Variants in DTNB observed in about 807,000 individuals in gnomAD.
DTNB encodes the protein dystrobrevin beta.
DTNB carries 63 observed loss-of-function variants against 90.7 expected under a neutral mutation model. That is an observed-to-expected ratio of 0.69 (90% confidence interval 0.57 to 0.86). The LOEUF (loss-of-function observed/expected upper bound fraction) is 0.86. DTNB is among the 40% of genes least tolerant of loss of function. The pLI is 0.00. For synonymous variants in DTNB, 277 were observed against 286.7 expected (o/e 0.97, Z 0.34); for missense variants, 744 against 807.1 (o/e 0.92, Z 0.95).
intron 7 of DTNB, among the ~76,000 whole-genome samples, chr2:25,577,681 T>C (rs2060906642): frequency 6.6e-6 from 1 of 152,050 alleles, no homozygotes; most frequent in South Asian, 2.1e-4. Context: ...ACAATTCAAC[T>C]CTGAACACAA....
intron 9 of DTNB, among the ~76,000 whole-genome samples, chr2:25,508,175 C>A (rs1413674864): frequency 6.6e-6 from 1 of 152,094 alleles, no homozygotes; most frequent in Non-Finnish European, 1.5e-5. Context: ...CACTAAAAAA[C>A]AAGCTTCATG....
chr2:25,437,248 G>C (rs1276057535), intron 12 of DTNB, among the ~76,000 whole-genome samples: 5 of 151,606 alleles, frequency 3.3e-5, no homozygotes, highest in Non-Finnish European at 7.4e-5. Context: ...CAGAAACTTA[G>C]AACTTTTATC....
chr2:25,608,101 G>C (rs1020140792), intron 4 of DTNB, among the ~76,000 whole-genome samples: 6 of 152,308 alleles, frequency 3.9e-5, no homozygotes, highest in East Asian at 1.9e-4. Context: ...TCACTAGTTG[G>C]TTGTTAAAGT....
intron 18 of DTNB, chr2:25,385,954 G>C (rs969204378): frequency 2.7e-5 from 25 of 929,040 alleles, no homozygotes; most frequent in Non-Finnish European, 2.8e-5. Context: ...GAAATTCCCT[G>C]AGAAATTTCC....
intron 8 of DTNB, among the ~76,000 whole-genome samples, chr2:25,573,980 G>A (rs559314485): frequency 6.6e-6 from 1 of 152,004 alleles, no homozygotes; most frequent in African/African-American, 2.4e-5. Flanking sequence ...TCCTAATGAC[G>A]TTCTTTCCAC....
At chr2:25,589,778 G>A (rs1035748289) in intron 6 of DTNB, among the ~76,000 whole-genome samples, 5 of 152,202 alleles carry the variant, frequency 3.3e-5, no homozygotes, top group Non-Finnish European at 5.9e-5. Context: ...CTGGGGTGAT[G>A]CTTTTCCTTT....
At chr2:25,449,650 TA>T (rs1558573378) in intron 12 of DTNB, among the ~76,000 whole-genome samples, 1 of 152,210 alleles carries the variant, frequency 6.6e-6, no homozygotes, top group African/African-American at 2.4e-5. Flanking sequence ...GCTCATTTTT[TA>T]AAAAAGGCTT....
chr2:25,621,043 T>A (rs1169239152), intron 4 of DTNB, among the ~76,000 whole-genome samples: 26 of 151,794 alleles, frequency 1.7e-4, no homozygotes, highest in Admixed American at 1.7e-3. Context: ...AAAAGAAAAT[T>A]TAAATGTGCT....
At chr2:25,459,492 TTTTA>T (rs2060594062) in intron 10 of DTNB, among the ~76,000 whole-genome samples, 1 of 152,144 alleles carries the variant, frequency 6.6e-6, no homozygotes, top group Admixed American at 6.5e-5. Flanking sequence ...TATGGTTTTA[TTTTA>T]TTTATTTTAT....
chr2:25,488,332 A>T (rs1326509695), intron 9 of DTNB, among the ~76,000 whole-genome samples: 1 of 152,306 alleles, frequency 6.6e-6, no homozygotes. Flanking sequence ...AAAGAATAAG[A>T]GATTTTTACC....
chr2:25,652,857 T>G (rs925025809), intron 1 of DTNB, 196 bp from the exon 2 acceptor site: 6 of 504,234 alleles, frequency 1.2e-5, no homozygotes, highest in African/African-American at 1.2e-4. Context: ...TTCTAAAATA[T>G]TAGTAAATCA....
At chr2:25,388,804 A>ATGTGTG (rs2040262802) in intron 16 of DTNB, among the ~76,000 whole-genome samples, 1 of 87,058 alleles carries the variant, frequency 1.1e-5, no homozygotes, top group Non-Finnish European at 2.2e-5. Flanking sequence ...GAAAGGACAT[A>ATGTGTG]CGTGTGTGTG....
chr2:25,598,641 C>G (rs187546411), intron 5 of DTNB, among the ~76,000 whole-genome samples: 149 of 152,180 alleles, frequency 9.8e-4, no homozygotes, highest in African/African-American at 3.4e-3. Context: ...AACACATAAG[C>G]AGGAATTGTC....
chr2:25,408,468 G>A (rs2045795538), intron 16 of DTNB, among the ~76,000 whole-genome samples: 1 of 150,440 alleles, frequency 6.6e-6, no homozygotes, highest in African/African-American at 2.5e-5. Flanking sequence ...GAACCCAGGA[G>A]GTGGAGGTTG....
intron 16 of DTNB, among the ~76,000 whole-genome samples, chr2:25,393,229 C>A (rs1207571635): frequency 6.6e-6 from 1 of 152,098 alleles, no homozygotes; most frequent in Non-Finnish European, 1.5e-5. Context: ...AAGGGACATA[C>A]CTTAATGTAA....
chr2:25,556,504 C>A (rs2057380923), intron 8 of DTNB, among the ~76,000 whole-genome samples: 1 of 152,062 alleles, frequency 6.6e-6, no homozygotes, highest in Non-Finnish European at 1.5e-5. Context: ...GTGGAAAATG[C>A]CAACTTTCAT....
chr2:25,628,469 T>C (rs1329324747), intron 3 of DTNB, 85 bp from the exon 4 acceptor site: 5 of 1,282,028 alleles, frequency 3.9e-6, no homozygotes, highest in Non-Finnish European at 4.3e-6. Context: ...TATCAACTAG[T>C]TCTTAAGTTT....
intron 5 of DTNB, among the ~76,000 whole-genome samples, chr2:25,606,610 A>G (rs181827826): frequency 6.6e-6 from 1 of 152,366 alleles, no homozygotes; most frequent in East Asian, 1.9e-4. Context: ...AACTGAATAA[A>G]TAAAAACCAT....
intron 6 of DTNB, among the ~76,000 whole-genome samples, chr2:25,590,924 G>T (rs533505047): frequency 6.6e-6 from 1 of 152,214 alleles, no homozygotes; most frequent in African/African-American, 2.4e-5. Context: ...TCGTGCCAAG[G>T]GGCACCTGCA....
Sources: gnomAD v4.1 joint callset for allele counts (sites outside exome capture counted in the v4.1 genomes callset) on GRCh38, gnomAD v4.1.1 for gene constraint, MANE v1.5 for transcripts, NCBI Gene and HGNC (gene_info 2026-07-23, HGNC 2026-07-21) for gene names.